Variants in FAM184B observed in about 807,000 individuals in gnomAD.
FAM184B encodes the protein protein FAM184B.
Under a neutral mutation model 135.9 loss-of-function variants are expected in FAM184B, and 111 were observed. That is an observed-to-expected ratio of 0.82 (90% CI 0.70 to 0.96). FAM184B has a LOEUF of 0.96. Ranked by LOEUF, FAM184B falls within the 40% of genes least tolerant of loss-of-function variation. FAM184B has a pLI of 0.00. For synonymous variants in FAM184B, 552 were observed against 524.8 expected (o/e 1.05, Z -0.71); for missense variants, 1,375 against 1,323.9 (o/e 1.04, Z -0.60).
At chr4:17,759,981 C>A (rs570480636) in intron 1 of FAM184B, among the ~76,000 whole-genome samples, 46 of 152,202 alleles carry the variant, frequency 3.0e-4, no homozygotes, top group Non-Finnish European at 6.3e-4. Context: ...CTGTGGCAGC[C>A]GCTGATGTGA....
At chr4:17,776,514 G>A (rs1295887853) in intron 1 of FAM184B, among the ~76,000 whole-genome samples, 2 of 152,042 alleles carry the variant, frequency 1.3e-5, no homozygotes, top group Non-Finnish European at 2.9e-5. Flanking sequence ...TCAGCCTGCC[G>A]AGTAGCTGGG....
At position 17,660,029 on chromosome 4, in the gene FAM184B, T is replaced by C. The variant is rs1344863714; in HGVS notation, c.1753A>G (p.Lys585Glu). ...DPQPPLGSLL[K>E]EKTSKIQRLE... ...CGCTGGATTTTGGATGTTTTCTCCT[T>C]CAACAAAGAGCCCAGTGGAGGTTGT... The change falls in exon 9 of 18, where the codon AAG becomes GAG. Residue 585 changes from lysine to glutamate, a missense_variant. Lys to Glu is a moderately conservative substitution (Grantham distance 56). Coordinates refer to ENST00000265018, the MANE Select transcript of FAM184B (RefSeq NM_015688.2). 1 of 1,551,608 alleles carries C rather than the reference T, an allele frequency of 6.4e-7. No individual in the cohort carries two copies. The highest frequency in any genetic ancestry group is 2.4e-5 in the East Asian group (1 of 40,912).
At chr4:17,756,273 A>G (rs2108990533) in intron 1 of FAM184B, among the ~76,000 whole-genome samples, 1 of 152,352 alleles carries the variant, frequency 6.6e-6, no homozygotes, top group Non-Finnish European at 1.5e-5. Context: ...AAACCTGTTA[A>G]AGATTACTGC....
chr4:17,743,866 A>G (rs1486996731), intron 1 of FAM184B, among the ~76,000 whole-genome samples: 1 of 152,204 alleles, frequency 6.6e-6, no homozygotes, highest in East Asian at 1.9e-4. Context: ...CAGTCTAGGT[A>G]TGGCAGGGTT....
chr4:17,651,837 A>G (rs1005764300), intron 11 of FAM184B, among the ~76,000 whole-genome samples: 2 of 152,092 alleles, frequency 1.3e-5, no homozygotes, highest in Non-Finnish European at 1.5e-5. Flanking sequence ...TACCTCTGTT[A>G]ACTTCGAAGA....
chr4:17,709,177 C>T lies in FAM184B; in HGVS notation c.609G>A (p.Leu203=). 6.5e-7 allele frequency: 1 copy of T among 1,548,298 alleles called. No individual in the cohort carries two copies. The highest frequency in any genetic ancestry group is 8.7e-7 in the Non-Finnish European group (1 of 1,146,904). The change falls in exon 2 of 18, where the codon CTG becomes CTA. Residue 203 remains leucine (L), a synonymous_variant. Coordinates refer to ENST00000265018, the MANE Select transcript of FAM184B (RefSeq NM_015688.2). ...MQEVLLEVQR[L]RVENQQLSKD... The stretch of plus-strand genomic sequence containing the variant: ...TGCTCAGCTGCTGGTTCTCCACTCG[C>T]AGCCGCTGCACCTCTAGCAGGACCT...
At chr4:17,744,492 A>C (rs58071985) in intron 1 of FAM184B, among the ~76,000 whole-genome samples, 64,299 of 113,642 alleles carry the variant, frequency 0.57, 16,767 homozygotes, top group Non-Finnish European at 0.69. Context: ...CACACACACC[A>C]CACACACACA....
At position 17,709,497 on chromosome 4, in the gene FAM184B, G is replaced by A; in HGVS notation, c.289C>T (p.Leu97Phe). 2 of 1,550,234 alleles carry A rather than the reference G, an allele frequency of 1.3e-6. No individual in the cohort carries two copies. Among genetic ancestry groups the A allele is most frequent in the Non-Finnish European group, 1.7e-6 (2 of 1,146,378 alleles). Residue 97 changes from leucine to phenylalanine, a missense_variant, in exon 2 of 18, where the codon CTT becomes TTT. Coordinates refer to ENST00000265018, the MANE Select transcript of FAM184B (RefSeq NM_015688.2). ...QEQGCAEEEA[L>F]LQRIQALESA... The stretch of plus-strand genomic sequence containing the variant: ...TCCAGGGCCTGGATGCGCTGTAGAA[G>A]GGCTTCCTCCTCTGCGCAGCCCTGT...
intron 7 of FAM184B, among the ~76,000 whole-genome samples, chr4:17,686,196 C>T (rs1716582122): frequency 6.6e-6 from 1 of 152,212 alleles, no homozygotes; most frequent in Non-Finnish European, 1.5e-5. Flanking sequence ...CTCTGGAATG[C>T]TAGCTCATGA....
At chr4:17,732,605 T>C (rs1049039885) in intron 1 of FAM184B, among the ~76,000 whole-genome samples, 2 of 152,222 alleles carry the variant, frequency 1.3e-5, no homozygotes, top group Admixed American at 1.3e-4. Context: ...GATAAATTCC[T>C]GGACACATAC....
At chr4:17,723,414 C>T (rs1717575793) in intron 1 of FAM184B, among the ~76,000 whole-genome samples, 3 of 152,230 alleles carry the variant, frequency 2.0e-5, no homozygotes. Flanking sequence ...GTTGTCTTCC[C>T]AGCAATGGCT....
At chr4:17,728,719 C>T (rs1349641954) in intron 1 of FAM184B, among the ~76,000 whole-genome samples, 1 of 152,082 alleles carries the variant, frequency 6.6e-6, no homozygotes, top group Non-Finnish European at 1.5e-5. Context: ...GTAGTAACCT[C>T]CGGGTGATGG....
chr4:17,744,645 G>A (rs369742249), intron 1 of FAM184B, among the ~76,000 whole-genome samples: 179 of 151,898 alleles, frequency 1.2e-3, no homozygotes, highest in South Asian at 0.011. Flanking sequence ...GCTTGAATCC[G>A]GGAGGCAGAA....
intron 1 of FAM184B, among the ~76,000 whole-genome samples, chr4:17,739,555 G>GTTTTTTTTTTTTT (rs397992408): frequency 0.33 from 20,540 of 62,328 alleles, 8,647 homozygotes; most frequent in Non-Finnish European, 0.43. Context: ...CATACCAACT[G>GTTTTTTTTTTTTT]TTTTTTTTTT....
intron 3 of FAM184B, among the ~76,000 whole-genome samples, chr4:17,706,696 T>C (rs1717126738): frequency 6.6e-6 from 1 of 152,276 alleles, no homozygotes; most frequent in Middle Eastern, 3.4e-3. Flanking sequence ...GGGCTGGGCG[T>C]GGTGGCTAAC....
intron 5 of FAM184B, among the ~76,000 whole-genome samples, chr4:17,693,861 C>G (rs965178922): frequency 7.2e-5 from 11 of 152,166 alleles, no homozygotes; most frequent in African/African-American, 2.4e-4. Flanking sequence ...CCTGTAATCC[C>G]AGCACTTTAG....
At chr4:17,638,935 C>T (rs1050728879) in intron 14 of FAM184B, among the ~76,000 whole-genome samples, 1 of 152,164 alleles carries the variant, frequency 6.6e-6, no homozygotes, top group Non-Finnish European at 1.5e-5. Flanking sequence ...CTCCTGGGCT[C>T]AAGTGATCCT....
chr4:17,675,626 A>C (rs1000488186), intron 7 of FAM184B, among the ~76,000 whole-genome samples: 1 of 152,214 alleles, frequency 6.6e-6, no homozygotes, highest in Non-Finnish European at 1.5e-5. Context: ...GCATCTTCTA[A>C]TATAAGGCTG....
At chr4:17,728,215 A>G (rs547275441) in intron 1 of FAM184B, among the ~76,000 whole-genome samples, 38 of 152,236 alleles carry the variant, frequency 2.5e-4, no homozygotes, top group African/African-American at 8.4e-4. Flanking sequence ...AGTGTTGCTG[A>G]TGGAAGAGGA....
Sources: allele counts gnomAD v4.1 joint callset (sites outside exome capture counted in the v4.1 genomes callset), GRCh38; gene constraint gnomAD v4.1.1; transcripts MANE v1.5; gene names NCBI Gene and HGNC (gene_info 2026-07-23, HGNC 2026-07-21).